RIPOR3: variants seen among roughly 807,000 people sequenced by gnomAD.
RIPOR3 encodes RIPOR family member 3.
A neutral mutation model predicts 114.3 loss-of-function variants in RIPOR3; 95 were observed. The observed-to-expected ratio is 0.83, with a 90% confidence interval of 0.70 to 0.99. RIPOR3 has a LOEUF of 0.99. RIPOR3 is among the 50% of genes least tolerant of loss of function. The probability of loss-of-function intolerance (pLI) is 0.00; values close to 1 mark genes in which losing one functional copy is unlikely to be tolerated. For synonymous variants in RIPOR3, 575 were observed against 543.8 expected (o/e 1.06, Z -0.80); for missense variants, 1,252 against 1,266.9 (o/e 0.99, Z 0.18).
rs369361044 is a variant in RIPOR3 at position 50,602,274 on chromosome 20, C to T, written c.1457G>A (p.Gly486Asp). 6.2e-7 allele frequency: 1 copy of T among 1,613,982 alleles called. No individual in the cohort carries two copies. The highest frequency in any genetic ancestry group is 8.5e-7 in the Non-Finnish European group (1 of 1,179,966). Reference sequence around the variant, plus strand: ...GGCTGTGCCGCTGTGGAACAGGGAGCCCTGTGGCAGGCTGGGGCTCTCCCC... The same window carrying T: ...GGCTGTGCCGCTGTGGAACAGGGAGTCCTGTGGCAGGCTGGGGCTCTCCCC... ...LGGESPSLPQGSLFHSGTASS... is the reference protein window; with the variant it reads ...LGGESPSLPQDSLFHSGTASS... Residue 486 changes from glycine to aspartate, a missense_variant, in exon 13 of 22, where the codon GGC becomes GAC. Physicochemically the swap from Gly to Asp is moderately conservative, Grantham distance 94. Coordinates refer to ENST00000327979, the MANE Select transcript of RIPOR3 (RefSeq NM_001290268.2). The surrounding 1 kb of genome is among the most constrained non-coding windows in gnomAD (Gnocchi z 4.3).
chr20:50,683,708 C>T lies in RIPOR3; in HGVS notation c.3+7418G>A, dbSNP rs183491270. On this transcript the variant is annotated intron_variant, in intron 1 of 21. Transcript: ENST00000327979. ...CTGACTGCAGGTGATCCACCTGCCT[C>T]GGCCTCCCAAAGTACTGGGATTACA... 5.9e-3 allele frequency among the ~76,000 whole-genome samples: 904 copies of T among 151,936 alleles called. 2 individuals are homozygous for T. Among genetic ancestry groups the T allele is most frequent in the Admixed American group, 0.01 (153 of 15,258 alleles).
At chr20:50,686,717 C>T (rs2087037373) in intron 1 of RIPOR3, among the ~76,000 whole-genome samples, 1 of 150,750 alleles carries the variant, frequency 6.6e-6, no homozygotes, top group Admixed American at 6.6e-5. Context: ...CACCACTGCA[C>T]TCCAGCCTGG....
rs533741421 is a variant in RIPOR3 at position 50,616,858 on chromosome 20, C to A, written c.270-778G>T. Among the ~76,000 whole-genome samples, 6 of 152,258 alleles carry A rather than the reference C, an allele frequency of 3.9e-5. No homozygotes were observed. In the South Asian group the frequency reaches 8.3e-4, roughly 21 times the overall value. On this transcript the variant is annotated intron_variant, in intron 3 of 21. Coordinates refer to ENST00000327979, the MANE Select transcript of RIPOR3 (RefSeq NM_001290268.2). ...GCACACCTCCCTCAAGGTCAAGGGTCTAGGCCGGGCGCCGTGGCTGACGCC... is the reference window on the plus strand; with the variant it reads ...GCACACCTCCCTCAAGGTCAAGGGTATAGGCCGGGCGCCGTGGCTGACGCC...
At position 50,603,991 on chromosome 20, in the gene RIPOR3, G is replaced by A. The variant is rs113041139; in HGVS notation, c.1086+654C>T. On this transcript the variant is annotated intron_variant, in intron 12 of 21. Coordinates refer to ENST00000327979, the MANE Select transcript of RIPOR3 (RefSeq NM_001290268.2). ...GACGTCAGGAGTTCAAGACCAGCCT[G>A]GCTAACATGGTGAAACCCCGTCTCT... 3.5e-3 allele frequency among the ~76,000 whole-genome samples: 535 copies of A among 152,178 alleles called. 3 individuals carry two copies. The highest frequency in any genetic ancestry group is 0.012 in the African/African-American group (512 of 41,522).
rs1555873441 is a variant in RIPOR3 at position 50,666,223 on chromosome 20, T to TTTTCTTTTCTTTTCTTTTCTTTTC, written c.3+24902_3+24903insGAAAAGAAAAGAAAAGAAAAGAAA. Among the ~76,000 whole-genome samples, 33 of 105,022 alleles carry TTTTCTTTTCTTTTCTTTTCTTTTC rather than the reference T, an allele frequency of 3.1e-4. 2 individuals are homozygous for TTTTCTTTTCTTTTCTTTTCTTTTC. Among genetic ancestry groups the TTTTCTTTTCTTTTCTTTTCTTTTC allele is most frequent in the African/African-American group, 6.8e-4 (18 of 26,662 alleles). The allele number at this position is 105,022 out of a possible 152,430, so 68.9% of individuals were successfully genotyped here. A position where few individuals can be genotyped will look rare whatever the true frequency, so the allele number is the denominator to read the frequency against. On this transcript the variant is annotated intron_variant, in intron 1 of 21. Coordinates refer to ENST00000327979, the MANE Select transcript of RIPOR3 (RefSeq NM_001290268.2). ...TTTTCTTTTCTTTTCTTTTCTTTTC[T>TTTTCTTTTCTTTTCTTTTCTTTTC]TTTTTGAGACGGAGTCACGCTCTGT...
intron 21 of RIPOR3, 67 bp from the exon 22 acceptor site, chr20:50,587,399 A>C (rs1037626018): frequency 1.4e-6 from 2 of 1,394,854 alleles, no homozygotes; most frequent in Non-Finnish European, 2.0e-6. Context: ...CTCCTGGGCC[A>C]GGGTGGCCCT....
chr20:50,652,590 C>CAA (rs11470456), intron 1 of RIPOR3, among the ~76,000 whole-genome samples: 108 of 87,270 alleles, frequency 1.2e-3, no homozygotes, highest in African/African-American at 2.6e-3. Flanking sequence ...GATTCTGTCT[C>CAA]AAAAAAAAAA....
At chr20:50,593,478 G>A (rs1445986130) in intron 17 of RIPOR3, among the ~76,000 whole-genome samples, 2 of 152,188 alleles carry the variant, frequency 1.3e-5, no homozygotes, top group Non-Finnish European at 2.9e-5. Context: ...GGCTGAGGCA[G>A]GAGAATCGCT....
chr20:50,689,194 T>G (rs1205710885), intron 1 of RIPOR3, among the ~76,000 whole-genome samples: 2 of 89,934 alleles, frequency 2.2e-5, no homozygotes, highest in East Asian at 7.9e-4. Context: ...TTTTTTTTTT[T>G]GAGACGAAGT....
intron 19 of RIPOR3, among the ~76,000 whole-genome samples, chr20:50,591,764 C>T (rs1006010920): frequency 2.0e-5 from 3 of 152,178 alleles, no homozygotes. Context: ...ACCAGGTAGC[C>T]ATGAATATTA....
chr20:50,588,547 T>C (rs1291052454), intron 20 of RIPOR3, among the ~76,000 whole-genome samples: 1 of 152,110 alleles, frequency 6.6e-6, no homozygotes, highest in East Asian at 1.9e-4. Flanking sequence ...TCAAAAATGC[T>C]CATATTCTCC....
intron 13 of RIPOR3, 127 bp from the exon 14 acceptor site, chr20:50,597,837 C>T: frequency 7.2e-7 from 1 of 1,394,726 alleles, no homozygotes; most frequent in South Asian, 1.4e-5. Flanking sequence ...CACACACCGT[C>T]CCCCAGCAGA....
chr20:50,602,765 C>A lies in RIPOR3; in HGVS notation c.1087-121G>T. The A allele has an allele frequency of 1.5e-6, 1 of 678,316 alleles. No homozygotes were observed. Among genetic ancestry groups the A allele is most frequent in the Non-Finnish European group, 2.1e-6 (1 of 470,956 alleles). 42.0% of individuals were successfully genotyped at this position (678,316 alleles called of 1,614,324 possible). A position where few individuals can be genotyped will look rare whatever the true frequency, so the allele number is the denominator to read the frequency against. On this transcript the variant is annotated intron_variant, in intron 12 of 21. Transcript: ENST00000327979. The surrounding 1 kb of genome is among the most constrained non-coding windows in gnomAD (Gnocchi z 4.3). ...GCCCATGTTCTCAGGATGACTGAGG[C>A]CTGCCGAGGTGACCAGCATCCCAGA...
At chr20:50,642,168 C>G (rs1313531056) in intron 1 of RIPOR3, among the ~76,000 whole-genome samples, 1 of 152,096 alleles carries the variant, frequency 6.6e-6, no homozygotes, top group African/African-American at 2.4e-5. Context: ...AAGCACATTT[C>G]CTTAGGTTTA....
chr20:50,615,146 T>TGTGTGTGTGTGTGTGTG (rs2084121062), intron 4 of RIPOR3, among the ~76,000 whole-genome samples: 5 of 149,790 alleles, frequency 3.3e-5, no homozygotes, highest in Admixed American at 6.7e-5. Flanking sequence ...TGTGTGTGTG[T>TGTGTGTGTGTGTGTGTG]TGCTAAGTCG....
intron 2 of RIPOR3, among the ~76,000 whole-genome samples, 168 bp from the exon 3 acceptor site, chr20:50,620,300 G>T (rs1379514355): frequency 1.3e-5 from 2 of 152,190 alleles, no homozygotes; most frequent in Non-Finnish European, 2.9e-5. Context: ...AAGTTATGGA[G>T]CCTCTCTGGG....
At position 50,654,530 on chromosome 20, in the gene RIPOR3, T is replaced by G. The variant is rs867373452; in HGVS notation, c.4-23674A>C. Among the ~76,000 whole-genome samples the G allele has an allele frequency of 6.9e-4, 103 of 149,160 alleles. 2 individuals carry two copies. The highest frequency in any genetic ancestry group is 6.9e-3 in the Middle Eastern group (2 of 290). ...ACTGCAAGCTCCCAGGAGGCAGAGTTTTTGTCTGCGTGGTTCACTGCTAAG... is the reference window on the plus strand; with the variant it reads ...ACTGCAAGCTCCCAGGAGGCAGAGTGTTTGTCTGCGTGGTTCACTGCTAAG... On this transcript the variant is annotated intron_variant, in intron 1 of 21. Coordinates refer to ENST00000327979, the MANE Select transcript of RIPOR3 (RefSeq NM_001290268.2).
chr20:50,670,839 C>A (rs2123526363), intron 1 of RIPOR3, among the ~76,000 whole-genome samples: 1 of 152,318 alleles, frequency 6.6e-6, no homozygotes, highest in African/African-American at 2.4e-5. Flanking sequence ...TGGGTTCAAA[C>A]CTTGGCTTGG....
intron 12 of RIPOR3, among the ~76,000 whole-genome samples, chr20:50,603,948 G>A (rs1410824419): frequency 1.3e-5 from 2 of 152,148 alleles, no homozygotes; most frequent in African/African-American, 2.4e-5. Context: ...TTGGGAGGCC[G>A]AGGCGGGTGG....
Sources: gnomAD v4.1 joint callset for allele counts (sites outside exome capture counted in the v4.1 genomes callset) on GRCh38, gnomAD v4.1.1 for gene constraint, Gnocchi (gnomAD v3.1) non-coding constraint, MANE v1.5 for transcripts, NCBI Gene and HGNC (gene_info 2026-07-23, HGNC 2026-07-21) for gene names.